Variants in MGAT1 observed in about 807,000 individuals in gnomAD.
MGAT1 encodes the protein alpha-1,3-mannosyl-glycoprotein 2-beta-N-acetylglucosaminyltransferase, also known as N-glycosyl-oligosaccharide-glycoprotein N-acetylglucosaminyltransferase I.
In MGAT1, 14 loss-of-function variants were observed where a neutral mutation model predicts 31.7. The observed-to-expected ratio is 0.44, with a 90% CI of 0.29 to 0.69. MGAT1 has a LOEUF of 0.69. Among genes scored for constraint, MGAT1 ranks in the 30% least tolerant of loss-of-function variants. MGAT1 has a pLI of 0.12. For synonymous variants in MGAT1, 338 were observed against 276.0 expected (o/e 1.22, Z -2.23); for missense variants, 557 against 626.0 (o/e 0.89, Z 1.18).
At position 180,792,835 on chromosome 5, in the gene MGAT1, T is replaced by A; in HGVS notation, c.137A>T (p.Asp46Val). ...RPPSVSALDGDPASLTREVIR... is the reference protein window; with the variant it reads ...RPPSVSALDGVPASLTREVIR... ...CACTTCCCGGGTGAGGCTGGCGGGG[T>A]CGCCATCGAGAGCGCTGACTGAGGG... Residue 46 changes from aspartate to valine, a missense_variant, in exon 2 of 2, where the codon GAC becomes GTC. By Grantham distance (152) the Asp-to-Val change is radical. Coordinates refer to ENST00000307826, the MANE Select transcript of MGAT1 (RefSeq NM_002406.4). 6.4e-7 allele frequency: 1 copy of A among 1,551,404 alleles called. No individual in the cohort carries two copies. Among genetic ancestry groups the A allele is most frequent in the South Asian group, 1.2e-5 (1 of 84,158 alleles).
upstream of MGAT1, among the ~76,000 whole-genome samples, chr5:180,806,155 G>A (rs574829147): frequency 1.9e-4 from 29 of 151,906 alleles, no homozygotes; most frequent in East Asian, 3.9e-4. Flanking sequence ...GCGTGGTGGC[G>A]TGTGCCTGTA....
At chr5:180,798,204 G>A (rs1260068654) in intron 1 of MGAT1, among the ~76,000 whole-genome samples, 5 of 152,276 alleles carry the variant, frequency 3.3e-5, no homozygotes, top group Admixed American at 6.5e-5. Context: ...GAACAGTGCC[G>A]GCATGACAAC....
intron 1 of MGAT1, among the ~76,000 whole-genome samples, chr5:180,794,733 G>C (rs115607412): frequency 0.028 from 4,333 of 152,132 alleles, 197 homozygotes; most frequent in African/African-American, 0.098. Context: ...GGATCACAAG[G>C]GGGGCAGGGG....
intron 1 of MGAT1, among the ~76,000 whole-genome samples, chr5:180,796,396 T>C (rs983159593): frequency 6.6e-6 from 1 of 152,308 alleles, no homozygotes; most frequent in Non-Finnish European, 1.5e-5. Context: ...AATTCTATTA[T>C]ATCAGGGCTC....
In MGAT1 at chr5:180,792,670, G is replaced by C; in HGVS notation, c.302C>G (p.Pro101Arg). The C allele has an allele frequency of 6.3e-7, 1 of 1,575,248 alleles. No homozygotes were observed. The highest frequency in any genetic ancestry group is 1.2e-5 in the South Asian group (1 of 84,946). Residue 101 changes from proline (P) to arginine (R), a missense_variant, in exon 2 of 2, where the codon CCC becomes CGC. Physicochemically the swap from Pro to Arg is moderately radical, Grantham distance 103. Around this residue, in one of 3 missense-constraint regions of MGAT1, gnomAD observed 167 missense variants for 149.8 expected, o/e 1.11. Transcript: ENST00000307826. The stretch of plus-strand genomic sequence containing the variant: ...CAGGATGGGAATCACCGCCGGCGCG[G>C]GGGTCACAGGCACACGCGGCTGGGC... ...PPAQPRVPVT[P>R]APAVIPILVI...
At chr5:180,804,462 G>A (rs1321994886), upstream of MGAT1, among the ~76,000 whole-genome samples, 1 of 152,240 alleles carries the variant, frequency 6.6e-6, no homozygotes, top group Non-Finnish European at 1.5e-5. Flanking sequence ...CGAGGCCGCC[G>A]TGTGCAGTGT....
chr5:180,815,510 A>G (rs1581938660), exon 1 of MGAT1: 1 of 152,504 alleles, frequency 6.6e-6, no homozygotes, highest in South Asian at 2.1e-4. Flanking sequence ...GAAGTCTTCC[A>G]CAACATTCCC....
rs1208976053 is a variant in MGAT1 at position 180,791,701 on chromosome 5, A to G, written c.1271T>C (p.Phe424Ser). 18 of 1,613,876 alleles carry G rather than the reference A, an allele frequency of 1.1e-5. No homozygotes were observed. The highest frequency in any genetic ancestry group is 1.4e-5 in the Non-Finnish European group (17 of 1,180,012). Reference protein sequence around the residue: ...AGYRGIVTFQFRGRRVHLAPP... With the variant: ...AGYRGIVTFQSRGRRVHLAPP... Reference sequence around the variant, plus strand: ...CGCCAGGTGGACACGGCGGCCCCGGAACTGGAAGGTGACAATACCCCGGTA... The same window carrying G: ...CGCCAGGTGGACACGGCGGCCCCGGGACTGGAAGGTGACAATACCCCGGTA... The change falls in exon 2 of 2, where the codon TTC (phenylalanine) becomes TCC (serine). Residue 424 changes from phenylalanine (F) to serine (S), a missense_variant. Physicochemically the swap from Phe to Ser is radical, Grantham distance 155. This residue lies in a region of MGAT1 where 145 missense variants were observed against 143.2 expected (regional missense o/e 1.01). Coordinates refer to ENST00000307826, the MANE Select transcript of MGAT1 (RefSeq NM_002406.4).
At position 180,791,362 on chromosome 5, in the gene MGAT1, TG is replaced by T; in HGVS notation, c.*271del. The T allele has an allele frequency of 1.9e-6, 1 of 536,428 alleles. No individual in the cohort carries two copies. Among genetic ancestry groups the T allele is most frequent in the Non-Finnish European group, 3.3e-6 (1 of 301,806 alleles). The allele number at this position is 536,428 out of a possible 1,614,324, so 33.2% of individuals were successfully genotyped here. On this transcript the variant is annotated 3_prime_UTR_variant, in exon 2 of 2. Transcript: ENST00000307826. ...AGAAAGCTCAGGACGTGGACATTTC[TG>T]GCCCCAACAAGCCCAGTGCCCCCCA...
At chr5:180,806,492 G>A (rs955408297), upstream of MGAT1, among the ~76,000 whole-genome samples, 2 of 152,206 alleles carry the variant, frequency 1.3e-5, no homozygotes, top group Non-Finnish European at 2.9e-5. Context: ...CTCTAAGGAG[G>A]AAACGTTCTA....
upstream of MGAT1, among the ~76,000 whole-genome samples, chr5:180,806,491 G>C (rs1382709319): frequency 6.6e-6 from 1 of 152,188 alleles, no homozygotes; most frequent in African/African-American, 2.4e-5. Context: ...ACTCTAAGGA[G>C]GAAACGTTCT....
chr5:180,812,417 G>C (rs562763203), intron 1 of MGAT1, among the ~76,000 whole-genome samples: 1 of 152,172 alleles, frequency 6.6e-6, no homozygotes, highest in East Asian at 1.9e-4. Flanking sequence ...AGTGACCTTC[G>C]ATTTTTCGTG....
chr5:180,800,775 G>A (rs1168137388), intron 1 of MGAT1, among the ~76,000 whole-genome samples: 3 of 152,198 alleles, frequency 2.0e-5, no homozygotes, highest in African/African-American at 7.2e-5. Context: ...AACTACATGT[G>A]GAAGGGGATA....
At chr5:180,807,006 G>T (rs865923768), upstream of MGAT1, among the ~76,000 whole-genome samples, 1 of 152,220 alleles carries the variant, frequency 6.6e-6, no homozygotes, top group Non-Finnish European at 1.5e-5. Context: ...GACCAGAGGA[G>T]AAAGTACAGC....
chr5:180,809,310 CAT>C (rs1772277239), intron 1 of MGAT1: 1 of 152,136 alleles, frequency 6.6e-6, no homozygotes, highest in Non-Finnish European at 1.5e-5. Flanking sequence ...ATAATATAAA[CAT>C]ATTATATGTA....
chr5:180,805,402 T>A (rs1392373286), upstream of MGAT1, among the ~76,000 whole-genome samples: 2 of 152,184 alleles, frequency 1.3e-5, no homozygotes, highest in African/African-American at 4.8e-5. Context: ...TTTTTACAAT[T>A]TGGAAAGAAT....
At chr5:180,794,208 G>A (rs1768830924) in intron 1 of MGAT1, among the ~76,000 whole-genome samples, 1 of 145,400 alleles carries the variant, frequency 6.9e-6, no homozygotes, top group South Asian at 2.2e-4. Flanking sequence ...CGGAGACCCT[G>A]TCTCTACAAG....
chr5:180,795,298 T>TATATATATATATATATATAC (rs549042117), intron 1 of MGAT1: 4 of 148,924 alleles, frequency 2.7e-5, no homozygotes, highest in African/African-American at 1.0e-4. Context: ...TATATATATA[T>TATATATATATATATATATAC]ACACACACAC....
chr5:180,811,667 A>C (rs562949040), intron 1 of MGAT1, among the ~76,000 whole-genome samples: 1 of 137,824 alleles, frequency 7.3e-6, no homozygotes. Context: ...TGCCCTCCCT[A>C]CCCTCCCAGT....
Sources: gnomAD v4.1 joint callset for allele counts (sites outside exome capture counted in the v4.1 genomes callset) on GRCh38, gnomAD v4.1.1 for gene constraint, gnomAD v4.1.1 regional missense constraint, MANE v1.5 for transcripts, NCBI Gene and HGNC (gene_info 2026-07-23, HGNC 2026-07-21) for gene names.